ELK4: variants seen among roughly 807,000 people sequenced by gnomAD.
The protein encoded by ELK4 is ETS domain-containing protein Elk-4.
A neutral mutation model predicts 29.6 loss-of-function variants in ELK4; 16 were observed. The observed-to-expected ratio is 0.54, with a 90% CI of 0.37 to 0.82. The LOEUF (loss-of-function observed/expected upper bound fraction) is 0.82, where lower values mean the gene tolerates loss of function less well. Ranked by LOEUF, ELK4 falls within the 40% of genes least tolerant of loss-of-function variation. ELK4 has a pLI of 0.00. For synonymous variants in ELK4, 213 were observed against 191.1 expected (o/e 1.11, Z -0.95); for missense variants, 465 against 507.1 (o/e 0.92, Z 0.80).
chr1:205,628,080 G>A (rs774356191), intron 1 of ELK4, among the ~76,000 whole-genome samples: 4 of 152,156 alleles, frequency 2.6e-5, no homozygotes, highest in South Asian at 4.1e-4. Context: ...ATTAGATACC[G>A]ATAATAATCC....
At chr1:205,628,475 A>G (rs540474102) in intron 1 of ELK4, among the ~76,000 whole-genome samples, 49 of 152,350 alleles carry the variant, frequency 3.2e-4, no homozygotes, top group Non-Finnish European at 6.2e-4. Context: ...AAGGAAAGAC[A>G]GAGAATGGGA....
At chr1:205,623,993 T>A in intron 1 of ELK4, 102 bp from the exon 2 acceptor site, 1 of 1,039,380 alleles carries the variant, frequency 9.6e-7, no homozygotes, top group South Asian at 1.5e-5. Context: ...TATTAATTCA[T>A]CCCCACATTT....
Position 205,620,667 on chromosome 1 carries a change from T to C in ELK4, c.379A>G (p.Lys127Glu), listed in dbSNP as rs139238464. The C allele has an allele frequency of 6.9e-5, 112 of 1,614,060 alleles. No homozygotes were observed. The highest frequency in any genetic ancestry group is 9.3e-5 in the Non-Finnish European group (110 of 1,180,034). ...SKDVENGGKDKPPQPGAKTSS... is the reference protein window; with the variant it reads ...SKDVENGGKDEPPQPGAKTSS... ...GTCTTGGCACCAGGCTGAGGTGGTT[T>C]ATCTTTCCCTCCATTCTCCACATCT... is the stretch of plus-strand genomic sequence containing the variant. Residue 127 changes from lysine to glutamate, a missense_variant, in exon 3 of 5, where the codon AAA (lysine) becomes GAA (glutamate). Physicochemically the swap from Lys to Glu is moderately conservative, Grantham distance 56. This residue lies in a region of ELK4 where 385 missense variants were observed against 387.5 expected (regional missense o/e 0.99). Coordinates refer to ENST00000357992, the MANE Select transcript of ELK4 (RefSeq NM_001973.4).
In ELK4 at chr1:205,609,611, A is replaced by C. The variant is rs549722753; in HGVS notation, c.*6935T>G. The C allele has an allele frequency of 1.4e-4, 28 of 203,632 alleles. No homozygotes were observed. Among genetic ancestry groups the C allele is most frequent in the Non-Finnish European group, 2.3e-4 (23 of 99,250 alleles). The allele number at this position is 203,632 out of a possible 1,614,324, so 12.6% of individuals were successfully genotyped here. Reference sequence around the variant, plus strand: ...CAATAAATGTAAGCAATGAATGTACATACAAAGGCCACTGGTTAATACTGC... The same window carrying C: ...CAATAAATGTAAGCAATGAATGTACCTACAAAGGCCACTGGTTAATACTGC... On this transcript the variant is annotated 3_prime_UTR_variant, in exon 5 of 5. Coordinates refer to ENST00000357992, the MANE Select transcript of ELK4 (RefSeq NM_001973.4).
At chr1:205,628,486 G>A (rs560787490) in intron 1 of ELK4, among the ~76,000 whole-genome samples, 14 of 152,198 alleles carry the variant, frequency 9.2e-5, no homozygotes, top group Non-Finnish European at 1.2e-4. Flanking sequence ...GAGAATGGGA[G>A]TCTCTAGCCT....
intron 3 of ELK4, chr1:205,619,535 T>C (rs1209154294): frequency 8.9e-7 from 1 of 1,121,528 alleles, no homozygotes; most frequent in Non-Finnish European, 1.1e-6. Context: ...GATGAGCAAG[T>C]TAATAAATAG....
intron 1 of ELK4, chr1:205,625,655 TG>T: frequency 2.1e-6 from 2 of 964,226 alleles, no homozygotes; most frequent in South Asian, 2.6e-5. Context: ...ATCTCACAGC[TG>T]GTCAGTTCTG....
intron 1 of ELK4, 143 bp downstream of exon 1, chr1:205,631,489 C>T (rs534152823): frequency 1.7e-4 from 25 of 149,358 alleles, no homozygotes; most frequent in African/African-American, 4.7e-4. Context: ...CGGGGGCGGA[C>T]CCAAGGGGAG....
intron 3 of ELK4, 100 bp from the exon 4 acceptor site, chr1:205,619,173 C>G: frequency 8.4e-7 from 1 of 1,194,380 alleles, no homozygotes; most frequent in Non-Finnish European, 1.1e-6. Context: ...TTGCCCTATC[C>G]TCCACTCCAA....
At chr1:205,631,118 C>A (rs764387341) in intron 1 of ELK4, among the ~76,000 whole-genome samples, 8 of 152,080 alleles carry the variant, frequency 5.3e-5, no homozygotes, top group Admixed American at 2.0e-4. Flanking sequence ...GTGCACAAGG[C>A]GGAAAGTAAA....
intron 1 of ELK4, among the ~76,000 whole-genome samples, chr1:205,628,937 G>A (rs181370520): frequency 6.6e-6 from 1 of 152,010 alleles, no homozygotes; most frequent in East Asian, 1.9e-4. Context: ...ACTTTGGGAG[G>A]CCGAGGCAAG....
chr1:205,624,247 C>G (rs1670410150), intron 1 of ELK4, among the ~76,000 whole-genome samples: 1 of 152,210 alleles, frequency 6.6e-6, no homozygotes, highest in Non-Finnish European at 1.5e-5. Flanking sequence ...CAATGATTGT[C>G]AATCACTAGT....
chr1:205,629,747 GAA>G (rs35018164), intron 1 of ELK4, among the ~76,000 whole-genome samples: 1 of 151,722 alleles, frequency 6.6e-6, no homozygotes, highest in African/African-American at 2.4e-5. Flanking sequence ...AAAAGCTAAA[GAA>G]AAAAAATCCC....
rs983351135 is a variant in ELK4, at chr1:205,615,666, A to C, written c.*880T>G. The C allele has an allele frequency of 9.7e-6, 2 of 206,286 alleles. No individual in the cohort carries two copies. The highest frequency in any genetic ancestry group is 6.0e-5 in the Admixed American group (1 of 16,798). The allele number at this position is 206,286 out of a possible 1,614,324, so 12.8% of individuals were successfully genotyped here. A position where few individuals can be genotyped will look rare whatever the true frequency, so the allele number is the denominator to read the frequency against. On this transcript the variant is annotated 3_prime_UTR_variant, in exon 5 of 5. Transcript: ENST00000357992. ...CGAATCTTTTACTCAGAGATGTTTC[A>C]AATATTCAAAATCCAAGTTCATCCT... is the stretch of plus-strand genomic sequence containing the variant.
At chr1:205,626,958 C>T (rs1335742511) in intron 1 of ELK4, among the ~76,000 whole-genome samples, 1 of 152,178 alleles carries the variant, frequency 6.6e-6, no homozygotes, top group Non-Finnish European at 1.5e-5. Context: ...AATGGGGTAT[C>T]ATCCAGCCAC....
Position 205,608,699 on chromosome 1 carries a change from C to A in ELK4, c.*7847G>T, listed in dbSNP as rs1670108510. ...TTATCCATTCCTCTGGGTAGGTGTG[C>A]ACTTACATTATATGTAAGTATCTCT... On this transcript the variant is annotated 3_prime_UTR_variant, in exon 5 of 5. Coordinates refer to ENST00000357992, the MANE Select transcript of ELK4 (RefSeq NM_001973.4). 5.2e-6 allele frequency: 1 copy of A among 193,432 alleles called. No individual in the cohort carries two copies. Among genetic ancestry groups the A allele is most frequent in the Admixed American group, 6.1e-5 (1 of 16,344 alleles). The allele number at this position is 193,432 out of a possible 1,614,324, so 12.0% of individuals were successfully genotyped here. A position where few individuals can be genotyped will look rare whatever the true frequency, so the allele number is the denominator to read the frequency against.
rs768921093 is a variant in ELK4, at chr1:205,620,335, T to C, written c.711A>G (p.Glu237=). The C allele has an allele frequency of 2.6e-5, 42 of 1,614,076 alleles. No individual in the cohort carries two copies. Among genetic ancestry groups the C allele is most frequent in the Non-Finnish European group, 3.3e-5 (39 of 1,180,034 alleles). ...TLVSPKLPSL[E]APTSASNVMT... is the part of the protein sequence containing the mutation. Reference sequence around the variant, plus strand: ...TTACGTTAGAGGCAGAGGTTGGGGCTTCCAGGGAAGGCAGTTTTGGGGAAA... The same window carrying C: ...TTACGTTAGAGGCAGAGGTTGGGGCCTCCAGGGAAGGCAGTTTTGGGGAAA... The change falls in exon 3 of 5, where the codon GAA becomes GAG. Residue 237 remains glutamate, a synonymous_variant. Coordinates refer to ENST00000357992, the MANE Select transcript of ELK4 (RefSeq NM_001973.4).
intron 1 of ELK4, among the ~76,000 whole-genome samples, chr1:205,628,961 C>G (rs1389929779): frequency 6.6e-6 from 1 of 151,350 alleles, no homozygotes; most frequent in Non-Finnish European, 1.5e-5. Flanking sequence ...ATCACGAGGT[C>G]AGGAGATGGA....
In ELK4 at chr1:205,614,376, T is replaced by C. The variant is rs1465498727; in HGVS notation, c.*2170A>G. The stretch of plus-strand genomic sequence containing the variant: ...TAAATCAACCATCTATATCTACTTA[T>C]TTAATGTACAAAATGTTAACCTAAT... On this transcript the variant is annotated 3_prime_UTR_variant, in exon 5 of 5. Transcript: ENST00000357992. 2 of 226,498 alleles carry C rather than the reference T, an allele frequency of 8.8e-6. No homozygotes were observed. Among genetic ancestry groups the C allele is most frequent in the East Asian group, 6.4e-5 (1 of 15,602 alleles). 14.0% of individuals were successfully genotyped at this position (226,498 alleles called of 1,614,324 possible). A position where few individuals can be genotyped will look rare whatever the true frequency, so the allele number is the denominator to read the frequency against.
Sources: gnomAD v4.1 joint callset for allele counts (sites outside exome capture counted in the v4.1 genomes callset) on GRCh38, gnomAD v4.1.1 for gene constraint, gnomAD v4.1.1 regional missense constraint, MANE v1.5 for transcripts, NCBI Gene and HGNC (gene_info 2026-07-23, HGNC 2026-07-21) for gene names.